The following KATNIP variants were observed in gnomAD, a reference collection of about 807,000 sequenced individuals.
KATNIP encodes the protein katanin interacting protein.
Under a neutral mutation model 174.0 loss-of-function variants are expected in KATNIP, and 126 were observed. That is an observed-to-expected ratio of 0.72 (90% CI 0.63 to 0.84). KATNIP has a LOEUF of 0.84. KATNIP is among the 40% of genes least tolerant of loss of function. The pLI, the probability that KATNIP is intolerant of heterozygous loss-of-function variation, is 0.00. For missense variants in KATNIP, 1,958 were observed against 2,109.7 expected, an observed-to-expected ratio of 0.93 and a Z score of 1.41; for synonymous variants, 810 against 835.7, an observed-to-expected ratio of 0.97 and a Z score of 0.53.
chr16:27,602,481 C>T (rs907994494), intron 2 of KATNIP, among the ~76,000 whole-genome samples: 17 of 152,222 alleles, frequency 1.1e-4, no homozygotes, highest in African/African-American at 4.1e-4. Context: ...CTCGCTGTTC[C>T]TGCCATCTGA....
At chr16:27,721,780 G>A in intron 14 of KATNIP, 85 bp downstream of exon 14, 2 of 1,488,668 alleles carry the variant, frequency 1.3e-6, no homozygotes, top group Non-Finnish European at 1.8e-6. Context: ...TCCTAAAGTT[G>A]CAAAATGGAT....
rs532810105 is a variant in KATNIP, at chr16:27,585,699, A to AT, written c.63+11746dup. 2.4e-3 allele frequency among the ~76,000 whole-genome samples: 362 copies of AT among 152,328 alleles called. 2 individuals are homozygous for AT. The highest frequency in any genetic ancestry group is 4.2e-3 in the Non-Finnish European group (287 of 68,032). On this transcript the variant is annotated intron_variant, in intron 2 of 27. Coordinates refer to ENST00000261588, the MANE Select transcript of KATNIP (RefSeq NM_015202.5). ...AGACAAACTTCACATGTTCTCACTTATTTATGGGAGCTAAAAATTAAACTC... is the reference window on the plus strand; with the variant it reads ...AGACAAACTTCACATGTTCTCACTTATTTTATGGGAGCTAAAAATTAAACTC...
rs762974303 is a variant in KATNIP, at chr16:27,740,729, A to G, written c.2432A>G (p.Glu811Gly). 3 of 1,614,222 alleles carry G rather than the reference A, an allele frequency of 1.9e-6. No homozygotes were observed. Among genetic ancestry groups the G allele is most frequent in the Non-Finnish European group, 2.5e-6 (3 of 1,180,032 alleles). ...GCCAGGGATAAAGGCCTACGGCATG[A>G]GCCAGGGTGGGGGACCAGCCGGAGT... ...TEARDKGLRH[E>G]PGWGTSRSVN... The change falls in exon 15 of 28, where the codon GAG becomes GGG. Residue 811 changes from glutamate to glycine, a missense_variant. Coordinates refer to ENST00000261588, the MANE Select transcript of KATNIP (RefSeq NM_015202.5).
intron 6 of KATNIP, among the ~76,000 whole-genome samples, chr16:27,649,026 G>A (rs910886749): frequency 6.6e-6 from 1 of 152,192 alleles, no homozygotes; most frequent in African/African-American, 2.4e-5. Flanking sequence ...TTGGGGCAGA[G>A]CATGGCGCAG....
chr16:27,777,189 G>A lies in KATNIP; in HGVS notation c.4551+160G>A, dbSNP rs2082529889. Among the ~76,000 whole-genome samples the A allele has an allele frequency of 6.6e-6, 1 of 152,208 alleles. No individual in the cohort carries two copies. Among genetic ancestry groups the A allele is most frequent in the Admixed American group, 6.5e-5 (1 of 15,284 alleles). On this transcript the variant is annotated intron_variant, in intron 25 of 27. Coordinates refer to ENST00000261588, the MANE Select transcript of KATNIP (RefSeq NM_015202.5). This position sits in a 1 kb window ranked among gnomAD's most constrained non-coding sequence, Gnocchi z 4.4. ...GCAGGCGAATTTCCCACCCAACCAT[G>A]AATTCAGAACCTGCTGGCAGTGATT... is the stretch of plus-strand genomic sequence containing the variant.
intron 6 of KATNIP, among the ~76,000 whole-genome samples, chr16:27,665,009 T>C (rs2077634697): frequency 1.3e-5 from 2 of 152,328 alleles, no homozygotes; most frequent in South Asian, 4.1e-4. Context: ...ACCCGTAGGC[T>C]GAAGCCAGGG....
chr16:27,759,792 A>G (rs1021394754), intron 18 of KATNIP, among the ~76,000 whole-genome samples: 4 of 152,220 alleles, frequency 2.6e-5, no homozygotes, highest in Non-Finnish European at 5.9e-5. Flanking sequence ...AGTCAGGAGC[A>G]GAGAAGGAAA....
chr16:27,733,148 A>C (rs924486415), intron 14 of KATNIP, among the ~76,000 whole-genome samples: 5 of 152,202 alleles, frequency 3.3e-5, no homozygotes, highest in Non-Finnish European at 5.9e-5. Context: ...AAGTGGCTTA[A>C]GATGCTAAAG....
chr16:27,691,484 C>G (rs1029041222), intron 8 of KATNIP, among the ~76,000 whole-genome samples: 1 of 152,200 alleles, frequency 6.6e-6, no homozygotes, highest in Non-Finnish European at 1.5e-5. Flanking sequence ...AATCCACCAT[C>G]ATGGGGTATT....
intron 2 of KATNIP, among the ~76,000 whole-genome samples, chr16:27,600,586 C>T (rs2075486128): frequency 6.6e-6 from 1 of 152,078 alleles, no homozygotes; most frequent in Non-Finnish European, 1.5e-5. Context: ...TCCCTTCTGG[C>T]CCCTGCTCCG....
intron 2 of KATNIP, among the ~76,000 whole-genome samples, chr16:27,607,616 G>A (rs1216598308): frequency 1.7e-5 from 1 of 59,142 alleles, no homozygotes; most frequent in Non-Finnish European, 3.4e-5. Context: ...TTTTTTTTTT[G>A]AGATGGAACC....
At chr16:27,739,522 C>T (rs984900746) in intron 14 of KATNIP, among the ~76,000 whole-genome samples, 2 of 152,200 alleles carry the variant, frequency 1.3e-5, no homozygotes, top group East Asian at 1.9e-4. Flanking sequence ...TCTGCTTTTA[C>T]GGTCTCCCAA....
rs1450239824 is a variant in KATNIP at position 27,740,240 on chromosome 16, G to C, written c.1943G>C (p.Gly648Ala). 1 of 1,614,250 alleles carries C rather than the reference G, an allele frequency of 6.2e-7. No homozygotes were observed. The highest frequency in any genetic ancestry group is 1.1e-5 in the South Asian group (1 of 91,078). Residue 648 changes from glycine to alanine, a missense_variant, in exon 15 of 28, where the codon GGT (glycine) becomes GCT (alanine). Physicochemically the swap from Gly to Ala is moderately conservative, Grantham distance 60. Transcript: ENST00000261588. ...EESKGTHEMA[G>A]ASGDKELGLG... ...AGCAAAGGCACCCATGAGATGGCTG[G>C]TGCCAGCGGGGACAAGGAGCTTGGT...
chr16:27,630,506 G>C (rs995069075), intron 4 of KATNIP, among the ~76,000 whole-genome samples: 1 of 152,198 alleles, frequency 6.6e-6, no homozygotes, highest in Non-Finnish European at 1.5e-5. Flanking sequence ...AGTGTAGCTT[G>C]AGCTCCCCAG....
At chr16:27,716,753 T>C (rs1046603631) in intron 13 of KATNIP, among the ~76,000 whole-genome samples, 1 of 152,136 alleles carries the variant, frequency 6.6e-6, no homozygotes, top group African/African-American at 2.4e-5. Flanking sequence ...CACTTCCCCA[T>C]GCCCAGTCCT....
chr16:27,752,346 TATC>T (rs1180823815), intron 17 of KATNIP, among the ~76,000 whole-genome samples: 5 of 152,172 alleles, frequency 3.3e-5, no homozygotes, highest in African/African-American at 1.2e-4. Context: ...CATGAACACA[TATC>T]ATGATCCAAG....
intron 2 of KATNIP, among the ~76,000 whole-genome samples, chr16:27,598,847 G>A (rs2075421934): frequency 6.6e-6 from 1 of 152,216 alleles, no homozygotes; most frequent in Non-Finnish European, 1.5e-5. Context: ...AGAAGGAGGA[G>A]TTGTGCAGTT....
intron 6 of KATNIP, among the ~76,000 whole-genome samples, chr16:27,671,427 C>T (rs1297649242): frequency 6.6e-6 from 1 of 152,160 alleles, no homozygotes. Flanking sequence ...GCTCGGTGAA[C>T]ACCCGCTCTA....
rs1280749215 is a variant in KATNIP, at chr16:27,776,863, C to T, written c.4450-65C>T. On this transcript the variant is annotated intron_variant, in intron 24 of 27. Coordinates refer to ENST00000261588, the MANE Select transcript of KATNIP (RefSeq NM_015202.5). The surrounding 1 kb of genome is among the most constrained non-coding windows in gnomAD (Gnocchi z 4.7). ...CTCACCCCAGCCCACGCCTGGCACCCCCAGCCCAGCCAAGCGCCTCTGTTT... is the reference window on the plus strand; with the variant it reads ...CTCACCCCAGCCCACGCCTGGCACCTCCAGCCCAGCCAAGCGCCTCTGTTT... The T allele has an allele frequency of 4.1e-6, 5 of 1,233,214 alleles. No individual in the cohort carries two copies. The highest frequency in any genetic ancestry group is 6.0e-6 in the Non-Finnish European group (5 of 837,078). The allele number at this position is 1,233,214 out of a possible 1,614,324, so 76.4% of individuals were successfully genotyped here. A position where few individuals can be genotyped will look rare whatever the true frequency, so the allele number is the denominator to read the frequency against.
Sources: gnomAD v4.1 joint callset for allele counts (sites outside exome capture counted in the v4.1 genomes callset) on GRCh38, gnomAD v4.1.1 for gene constraint, Gnocchi (gnomAD v3.1) non-coding constraint, MANE v1.5 for transcripts, NCBI Gene and HGNC (gene_info 2026-07-23, HGNC 2026-07-21) for gene names.